Variants in B9D1 observed in about 807,000 individuals in gnomAD.
B9D1 encodes B9 domain containing 1, also known as B9 domain-containing protein 1.
B9D1 carries 20 observed loss-of-function variants against 26.1 expected under a neutral mutation model. That is an observed-to-expected ratio of 0.77 (90% CI 0.54 to 1.12). The LOEUF is 1.12. Among genes scored for constraint, B9D1 ranks in the 50% most tolerant of loss-of-function variants. B9D1 has a pLI of 0.00. For missense variants in B9D1, 260 were observed against 273.7 expected (o/e 0.95, Z 0.35); for synonymous variants, 105 against 103.1 (o/e 1.02, Z -0.11).
intron 1 of B9D1, among the ~76,000 whole-genome samples, chr17:19,375,198 G>A (rs1400745574): frequency 1.3e-5 from 2 of 152,074 alleles, no homozygotes; most frequent in African/African-American, 4.8e-5. Flanking sequence ...GCTGAGGCAG[G>A]AGAATCACTT....
chr17:19,369,891 G>A (rs1911803176), intron 1 of B9D1, among the ~76,000 whole-genome samples: 1 of 152,164 alleles, frequency 6.6e-6, no homozygotes, highest in South Asian at 2.1e-4. Context: ...GAGATGTTCA[G>A]AGCAGGATTC....
intron 3 of B9D1, among the ~76,000 whole-genome samples, chr17:19,353,364 G>A (rs1598072114): frequency 6.6e-6 from 1 of 151,938 alleles, no homozygotes; most frequent in South Asian, 2.1e-4. Context: ...TTGGTCAGGC[G>A]CAGTGCCTCA....
chr17:19,362,431 G>A (rs1011941761), intron 1 of B9D1, 76 bp downstream of exon 1: 3 of 1,149,704 alleles, frequency 2.6e-6, no homozygotes, highest in Non-Finnish European at 3.7e-6. Context: ...GGGGCCACAG[G>A]GCAGCCCGGG....
chr17:19,364,953 C>CG (rs1339331956), upstream of B9D1, among the ~76,000 whole-genome samples: 13 of 152,236 alleles, frequency 8.5e-5, no homozygotes, highest in Non-Finnish European at 2.9e-5. The surrounding 1 kb of genome is among the most constrained non-coding windows in gnomAD (Gnocchi z 4.3). Flanking sequence ...ATGGTGCTGC[C>CG]GGGCAGCTGG....
chr17:19,355,941 G>GT (rs1329125322), intron 3 of B9D1, among the ~76,000 whole-genome samples: 1 of 152,066 alleles, frequency 6.6e-6, no homozygotes, highest in Non-Finnish European at 1.5e-5. Flanking sequence ...TAGAGATTCT[G>GT]TTTATCTCTA....
downstream of B9D1, among the ~76,000 whole-genome samples, chr17:19,338,762 CCCAGACAA>C (rs1907669231): frequency 6.6e-6 from 1 of 152,174 alleles, no homozygotes; most frequent in Non-Finnish European, 1.5e-5. Flanking sequence ...CCCCATGAGC[CCCAGACAA>C]CAGCCCACCA....
chr17:19,369,823 T>C (rs1299595137), intron 1 of B9D1, among the ~76,000 whole-genome samples: 2 of 152,188 alleles, frequency 1.3e-5, no homozygotes, highest in South Asian at 4.1e-4. Context: ...AGATTCACGA[T>C]TGCTTCTGGA....
chr17:19,358,616 C>T (rs1158864462), intron 2 of B9D1, among the ~76,000 whole-genome samples: 1 of 152,230 alleles, frequency 6.6e-6, no homozygotes, highest in East Asian at 1.9e-4. Flanking sequence ...CTCCTTGATA[C>T]ACTGTCTTCC....
At chr17:19,361,276 G>C (rs1911027194) in intron 1 of B9D1, among the ~76,000 whole-genome samples, 1 of 152,058 alleles carries the variant, frequency 6.6e-6, no homozygotes. Flanking sequence ...TAAATGTAAT[G>C]TCCCCAAATC....
downstream of B9D1, chr17:19,337,832 G>A (rs996960566): frequency 4.5e-6 from 3 of 661,608 alleles, no homozygotes; most frequent in East Asian, 5.5e-5. Context: ...TCACACCAGT[G>A]CCAGAATTAG....
rs1911818697 is a variant in B9D1 at position 19,370,117 on chromosome 17, G to A, written c.-298+7742C>T. On this transcript the variant is annotated intron_variant, in intron 1 of 5. Coordinates refer to the B9D1 transcript ENST00000477478. The surrounding 1 kb of genome is among the most constrained non-coding windows in gnomAD (Gnocchi z 5.1). ...CAGAGAACTTGGGTACTTCACCGAC[G>A]GCCACCTCCCATCGCCCTTTCATTC... 6.6e-6 allele frequency among the ~76,000 whole-genome samples: 1 copy of A among 152,218 alleles called. No individual in the cohort carries two copies. Among genetic ancestry groups the A allele is most frequent in the Non-Finnish European group, 1.5e-5 (1 of 68,050 alleles).
At chr17:19,337,669 C>CA (rs1907559347), downstream of B9D1, 2 of 1,517,762 alleles carry the variant, frequency 1.3e-6, no homozygotes, top group Non-Finnish European at 8.8e-7. Context: ...GGAAGTTTCT[C>CA]ACAGAAGTCA....
intron 3 of B9D1, among the ~76,000 whole-genome samples, chr17:19,357,069 G>A (rs1910453085): frequency 6.6e-6 from 1 of 152,204 alleles, no homozygotes; most frequent in South Asian, 2.1e-4. Context: ...AAATCAGATG[G>A]GCCTGAATTA....
chr17:19,366,007 G>A (rs138347835), upstream of B9D1, among the ~76,000 whole-genome samples: 154 of 151,536 alleles, frequency 1.0e-3, no homozygotes, highest in Non-Finnish European at 1.8e-3. Context: ...CTACCTATCC[G>A]CCCAGAGAAC....
At chr17:19,360,280 G>C in intron 2 of B9D1, 40 bp downstream of exon 2, 2 of 1,596,720 alleles carry the variant, frequency 1.3e-6, no homozygotes, top group Non-Finnish European at 1.7e-6. Flanking sequence ...AACCCCAAAA[G>C]TCATGAAGGC....
chr17:19,358,614 T>C (rs551603123), intron 2 of B9D1, among the ~76,000 whole-genome samples: 1 of 152,360 alleles, frequency 6.6e-6, no homozygotes, highest in Admixed American at 6.5e-5. Context: ...TACTCCTTGA[T>C]ACACTGTCTT....
downstream of B9D1, among the ~76,000 whole-genome samples, chr17:19,337,086 C>G (rs1004110433): frequency 2.6e-5 from 4 of 152,210 alleles, no homozygotes; most frequent in African/African-American, 9.6e-5. Context: ...TGTGCTCTGC[C>G]TCCTCTTGTG....
intron 3 of B9D1, among the ~76,000 whole-genome samples, chr17:19,355,590 G>A (rs1910231143): frequency 6.6e-6 from 1 of 151,984 alleles, no homozygotes; most frequent in Non-Finnish European, 1.5e-5. Context: ...AGCACTTTGG[G>A]AGGCTGAGGC....
Position 19,372,514 on chromosome 17 carries a change from C to T in B9D1, c.-298+5345G>A, listed in dbSNP as rs145449400. The stretch of plus-strand genomic sequence containing the variant: ...CACTGTCCCTCTGCTGCCGCATGCT[C>T]GTCTATTAGGTCCTGACTTACATGT... On this transcript the variant is annotated intron_variant, in intron 1 of 5. Coordinates refer to the B9D1 transcript ENST00000477478. The surrounding 1 kb of genome is among the most constrained non-coding windows in gnomAD (Gnocchi z 4.4). 3.3e-5 allele frequency among the ~76,000 whole-genome samples: 5 copies of T among 152,330 alleles called. No homozygotes were observed. Among genetic ancestry groups the T allele is most frequent in the South Asian group, 2.1e-4 (1 of 4,826 alleles).
Sources: allele counts gnomAD v4.1 joint callset (sites outside exome capture counted in the v4.1 genomes callset), GRCh38; gene constraint gnomAD v4.1.1; non-coding constraint Gnocchi (gnomAD v3.1); transcripts MANE v1.5; gene names NCBI Gene and HGNC (gene_info 2026-07-23, HGNC 2026-07-21).